The following CCDC3 variants were observed in gnomAD, a reference collection of about 807,000 sequenced individuals.
The protein encoded by CCDC3 is coiled-coil domain containing 3.
In CCDC3, 24 loss-of-function variants were observed where a neutral mutation model predicts 21.4. The ratio of observed to expected loss-of-function variants is 1.12; its 90% CI spans 0.81 to 1.58. The LOEUF (loss-of-function observed/expected upper bound fraction) is 1.58. CCDC3 is among the 40% of genes most tolerant of loss of function. The pLI is 0.00. For missense variants in CCDC3, 425 were observed against 360.9 expected (o/e 1.18, Z -1.44); for synonymous variants, 186 against 166.0 (o/e 1.12, Z -0.93).
chr10:13,089,678 AT>A (rs1273664095), intron 3 of CCDC3, among the ~76,000 whole-genome samples: 9 of 151,948 alleles, frequency 5.9e-5, no homozygotes, highest in African/African-American at 1.7e-4. Context: ...TTAAATTTAA[AT>A]TTTAATTTTT....
chr10:12,901,581 C>T (rs1834092336), intron 2 of CCDC3, among the ~76,000 whole-genome samples: 1 of 152,132 alleles, frequency 6.6e-6, no homozygotes, highest in Admixed American at 6.6e-5. Flanking sequence ...CCCACCTGCA[C>T]CTCTTATTCC....
chr10:12,955,827 C>T (rs971453864), intron 2 of CCDC3, among the ~76,000 whole-genome samples: 1 of 152,214 alleles, frequency 6.6e-6, no homozygotes, highest in South Asian at 2.1e-4. Flanking sequence ...ACTGCAACCT[C>T]AGCCTCCCAA....
At chr10:13,002,483 G>A (rs1278525841), upstream of CCDC3, among the ~76,000 whole-genome samples, 2 of 152,076 alleles carry the variant, frequency 1.3e-5, no homozygotes, top group African/African-American at 2.4e-5. Context: ...GACCTCCCCT[G>A]GGCTCAGGTG....
intron 5 of CCDC3, among the ~76,000 whole-genome samples, chr10:13,043,136 C>T (rs482722): frequency 0.29 from 43,458 of 151,846 alleles, 6,591 homozygotes; most frequent in Non-Finnish European, 0.33. Flanking sequence ...ATTTGTGTGA[C>T]ACTGAGGTTT....
chr10:13,078,143 G>A (rs1836988386), intron 3 of CCDC3, among the ~76,000 whole-genome samples: 1 of 152,100 alleles, frequency 6.6e-6, no homozygotes, highest in Admixed American at 6.6e-5. Flanking sequence ...AATCTACAAA[G>A]AACTTAAACA....
intron 2 of CCDC3, among the ~76,000 whole-genome samples, chr10:12,937,839 T>C (rs1249361950): frequency 2.0e-5 from 3 of 152,204 alleles, no homozygotes; most frequent in Non-Finnish European, 4.4e-5. Context: ...CTCCAGTGTC[T>C]GCCATCATTA....
At chr10:12,984,211 A>G (rs1364058221) in intron 2 of CCDC3, among the ~76,000 whole-genome samples, 4 of 152,244 alleles carry the variant, frequency 2.6e-5, no homozygotes, top group Non-Finnish European at 5.9e-5. Flanking sequence ...ACTCAACAAT[A>G]AAAAGACAAC....
intron 2 of CCDC3, among the ~76,000 whole-genome samples, chr10:12,990,251 C>G (rs1204199038): frequency 1.4e-5 from 2 of 146,600 alleles, no homozygotes; most frequent in Non-Finnish European, 3.0e-5. Flanking sequence ...AAAAGCGAGA[C>G]TCCGTCTCAA....
chr10:12,915,008 T>G (rs909112080), intron 2 of CCDC3, among the ~76,000 whole-genome samples: 1 of 152,230 alleles, frequency 6.6e-6, no homozygotes, highest in Non-Finnish European at 1.5e-5. Flanking sequence ...TTTTGCTGCA[T>G]CCCGTAAGTT....
chr10:13,096,698 A>C (rs976899449), intron 3 of CCDC3, among the ~76,000 whole-genome samples: 1 of 152,216 alleles, frequency 6.6e-6, no homozygotes, highest in African/African-American at 2.4e-5. Flanking sequence ...TGCTGTTTCC[A>C]ATGACAAGCC....
At chr10:12,971,260 A>G (rs1271339916) in intron 2 of CCDC3, among the ~76,000 whole-genome samples, 1 of 152,150 alleles carries the variant, frequency 6.6e-6, no homozygotes, top group African/African-American at 2.4e-5. Flanking sequence ...TGCCTGGGGC[A>G]TCGTGCGCAG....
intron 2 of CCDC3, among the ~76,000 whole-genome samples, chr10:12,952,877 T>C (rs890330070): frequency 6.6e-6 from 1 of 152,208 alleles, no homozygotes; most frequent in Admixed American, 6.5e-5. Context: ...CATGGGTTTA[T>C]TTCTATCATC....
chr10:12,935,801 G>A (rs1015793948), intron 2 of CCDC3, among the ~76,000 whole-genome samples: 1 of 152,076 alleles, frequency 6.6e-6, no homozygotes, highest in Non-Finnish European at 1.5e-5. Context: ...GAGTATCTGG[G>A]ACTGCAGGCG....
chr10:13,002,956 G>A (rs1835877614), upstream of CCDC3, among the ~76,000 whole-genome samples: 1 of 152,160 alleles, frequency 6.6e-6, no homozygotes, highest in Admixed American at 6.5e-5. Context: ...AAGGTCACTA[G>A]TCCTATGGGG....
At chr10:13,058,625 C>T (rs1334238458) in intron 4 of CCDC3, 19 of 597,804 alleles carry the variant, frequency 3.2e-5, no homozygotes, top group Non-Finnish European at 4.8e-5. Flanking sequence ...CTAAACGTCA[C>T]TTGGTATCTC....
intron 2 of CCDC3, among the ~76,000 whole-genome samples, chr10:12,974,848 T>G (rs1267440739): frequency 1.3e-5 from 2 of 152,204 alleles, no homozygotes; most frequent in African/African-American, 4.8e-5. Flanking sequence ...GTCTCCCCAG[T>G]GATATATTCC....
At chr10:12,912,124 C>T (rs931974263) in intron 2 of CCDC3, among the ~76,000 whole-genome samples, 5 of 150,360 alleles carry the variant, frequency 3.3e-5, no homozygotes, top group African/African-American at 4.9e-5. Flanking sequence ...GATATCTCTT[C>T]GACATACTGA....
intron 5 of CCDC3, among the ~76,000 whole-genome samples, chr10:13,032,526 A>C (rs10906286): frequency 1.3e-5 from 2 of 151,342 alleles, no homozygotes; most frequent in Non-Finnish European, 3.0e-5. Flanking sequence ...AAGGGTATTC[A>C]ATTAGGAAAA....
At chr10:13,089,106 T>C (rs2131453438) in intron 3 of CCDC3, among the ~76,000 whole-genome samples, 1 of 152,238 alleles carries the variant, frequency 6.6e-6, no homozygotes, top group Middle Eastern at 3.4e-3. Flanking sequence ...ATTCTCCAGG[T>C]TCTGATTCAG....
Sources: gnomAD v4.1 joint callset for allele counts (sites outside exome capture counted in the v4.1 genomes callset) on GRCh38, gnomAD v4.1.1 for gene constraint, MANE v1.5 for transcripts, NCBI Gene and HGNC (gene_info 2026-07-23, HGNC 2026-07-21) for gene names.